FMN2: variants seen among roughly 807,000 people sequenced by gnomAD.
The protein encoded by FMN2 is formin 2.
Under a neutral mutation model 142.3 loss-of-function variants are expected in FMN2, and 51 were observed. That is an observed-to-expected ratio of 0.36 (90% CI 0.29 to 0.45). The LOEUF (loss-of-function observed/expected upper bound fraction) is 0.45. Among genes scored for constraint, FMN2 ranks in the 20% least tolerant of loss-of-function variants. The probability of loss-of-function intolerance (pLI) is 1.00; values close to 1 mark genes in which losing one functional copy is unlikely to be tolerated. For synonymous variants in FMN2, 882 were observed against 869.8 expected (o/e 1.01, Z -0.25); for missense variants, 1,936 against 2,122.8 (o/e 0.91, Z 1.73).
At chr1:240,407,272 C>T (rs1016125952) in intron 15 of FMN2, among the ~76,000 whole-genome samples, 1 of 151,860 alleles carries the variant, frequency 6.6e-6, no homozygotes, top group Non-Finnish European at 1.5e-5. Context: ...AGAGTAGCTG[C>T]GATTACAGGC....
At chr1:240,406,331 CGAAGGGAAGCAGCCTCGGGAGTGG>C (rs1674197435) in intron 15 of FMN2, among the ~76,000 whole-genome samples, 3 of 77,924 alleles carry the variant, frequency 3.8e-5, no homozygotes, top group African/African-American at 9.7e-5. Flanking sequence ...GTGGGGGGAG[CGAAGGGAAGCAGCCTCGGGAGTGG>C]GGGGAGCGAA....
intron 16 of FMN2, among the ~76,000 whole-genome samples, chr1:240,439,444 A>G (rs542757986): frequency 2.6e-5 from 4 of 152,230 alleles, no homozygotes; most frequent in South Asian, 2.1e-4. Flanking sequence ...CTTAAATTAG[A>G]TGAATTAATT....
rs150184995 is a variant in FMN2 at position 240,393,092 on chromosome 1, C to T, written c.4910+530C>T. Among the ~76,000 whole-genome samples, 403 of 151,802 alleles carry T rather than the reference C, an allele frequency of 2.7e-3. 2 individuals carry two copies. The highest frequency in any genetic ancestry group is 9.2e-3 in the African/African-American group (379 of 41,176). ...TCTGTAGAAAAAAAGAACAAACTGGCGATACAGATATAAACACACACACAC... is the reference window on the plus strand; with the variant it reads ...TCTGTAGAAAAAAAGAACAAACTGGTGATACAGATATAAACACACACACAC... On this transcript the variant is annotated intron_variant, in intron 15 of 17. Coordinates refer to ENST00000319653, the MANE Select transcript of FMN2 (RefSeq NM_020066.5).
At chr1:240,185,324 T>C (rs1277361332) in intron 3 of FMN2, among the ~76,000 whole-genome samples, 2 of 152,188 alleles carry the variant, frequency 1.3e-5, no homozygotes, top group African/African-American at 4.8e-5. Flanking sequence ...ATTCTGTACA[T>C]CTCTTTCATG....
intron 4 of FMN2, among the ~76,000 whole-genome samples, chr1:240,202,269 C>T (rs1334679340): frequency 2.0e-5 from 3 of 152,030 alleles, no homozygotes; most frequent in Non-Finnish European, 4.4e-5. Flanking sequence ...TACTGGGTAT[C>T]ATGTGTAATG....
intron 2 of FMN2, chr1:240,143,456 G>T (rs1663283490): frequency 6.7e-7 from 1 of 1,491,298 alleles, no homozygotes; most frequent in East Asian, 2.3e-5. Flanking sequence ...ATGTCAGCAG[G>T]GGTTTCCTTT....
At chr1:240,407,600 A>G (rs1338466368) in intron 15 of FMN2, among the ~76,000 whole-genome samples, 4 of 152,228 alleles carry the variant, frequency 2.6e-5, no homozygotes, top group Non-Finnish European at 4.4e-5. Context: ...TGAGAATTCA[A>G]TGTGATCACA....
chr1:240,136,670 T>C (rs1662953876), intron 2 of FMN2, among the ~76,000 whole-genome samples: 1 of 152,194 alleles, frequency 6.6e-6, no homozygotes, highest in Non-Finnish European at 1.5e-5. Context: ...ATGATTTTCT[T>C]TTCTTGTCTT....
chr1:240,216,138 C>T (rs1408683681), intron 6 of FMN2, among the ~76,000 whole-genome samples: 2 of 152,140 alleles, frequency 1.3e-5, no homozygotes, highest in African/African-American at 4.8e-5. Context: ...AAAGTAAGAG[C>T]CACTTGCTTG....
intron 7 of FMN2, among the ~76,000 whole-genome samples, chr1:240,267,979 C>T (rs1401222628): frequency 6.6e-6 from 1 of 151,902 alleles, no homozygotes; most frequent in Admixed American, 6.6e-5. Flanking sequence ...TTACACCAGT[C>T]AGAGCAACAG....
At chr1:240,309,643 G>A (rs1207694728) in intron 8 of FMN2, among the ~76,000 whole-genome samples, 3 of 152,122 alleles carry the variant, frequency 2.0e-5, no homozygotes, top group Non-Finnish European at 4.4e-5. Flanking sequence ...CTGCAGAAAA[G>A]GCAAACTGCA....
chr1:240,414,776 C>T (rs1674522120), intron 15 of FMN2, among the ~76,000 whole-genome samples: 1 of 152,126 alleles, frequency 6.6e-6, no homozygotes, highest in African/African-American at 2.4e-5. Context: ...GAAAACAACA[C>T]AAATGGTACT....
chr1:240,320,731 C>T (rs1168425357), intron 8 of FMN2, among the ~76,000 whole-genome samples: 1 of 152,150 alleles, frequency 6.6e-6, no homozygotes, highest in Non-Finnish European at 1.5e-5. Flanking sequence ...CATTAGTTCT[C>T]AGTGTCTGCT....
intron 15 of FMN2, among the ~76,000 whole-genome samples, chr1:240,397,805 A>AAAAG (rs1553373940): frequency 8.0e-5 from 12 of 150,338 alleles, no homozygotes; most frequent in African/African-American, 2.5e-4. Flanking sequence ...AAAAAAAAAA[A>AAAAG]AAAAAGTTAA....
chr1:240,243,192 G>A (rs1388713713), intron 6 of FMN2, among the ~76,000 whole-genome samples: 1 of 152,106 alleles, frequency 6.6e-6, no homozygotes, highest in Non-Finnish European at 1.5e-5. Context: ...TCTCATGCAA[G>A]CATTCTTCAC....
At chr1:240,148,454 A>G (rs1057249438) in intron 2 of FMN2, among the ~76,000 whole-genome samples, 1 of 150,804 alleles carries the variant, frequency 6.6e-6, no homozygotes, top group African/African-American at 2.4e-5. Flanking sequence ...GAGAGAGAGA[A>G]AGAGAGAGAG....
intron 15 of FMN2, among the ~76,000 whole-genome samples, chr1:240,430,999 C>G (rs1675153452): frequency 6.9e-6 from 1 of 144,694 alleles, no homozygotes; most frequent in Admixed American, 6.7e-5. Context: ...AAAAAAAACT[C>G]TTGATTGGGA....
chr1:240,250,363 T>A (rs1668237017), intron 6 of FMN2, among the ~76,000 whole-genome samples: 1 of 152,296 alleles, frequency 6.6e-6, no homozygotes, highest in African/African-American at 2.4e-5. Flanking sequence ...GGCTTTTGTT[T>A]TTCACTCTTG....
intron 6 of FMN2, among the ~76,000 whole-genome samples, chr1:240,242,178 A>G (rs1272544317): frequency 6.6e-6 from 1 of 152,120 alleles, no homozygotes; most frequent in Admixed American, 6.5e-5. Flanking sequence ...TGGAACACGT[A>G]TGTCTTAGAG....
Sources: allele counts gnomAD v4.1 joint callset (sites outside exome capture counted in the v4.1 genomes callset), GRCh38; gene constraint gnomAD v4.1.1; transcripts MANE v1.5; gene names NCBI Gene and HGNC (gene_info 2026-07-23, HGNC 2026-07-21).